The following SPTBN2 variants were observed in gnomAD, a reference collection of about 807,000 sequenced individuals.
The protein encoded by SPTBN2 is spectrin beta, non-erythrocytic 2.
SPTBN2 carries 107 observed loss-of-function variants against 284.2 expected under a neutral mutation model. The observed-to-expected ratio is 0.38, with a 90% CI of 0.32 to 0.44. SPTBN2 has a LOEUF of 0.44. Ranked by LOEUF, SPTBN2 falls within the 20% of genes least tolerant of loss-of-function variation. The pLI is 1.00. For missense variants in SPTBN2, 2,569 were observed against 3,287.1 expected, an observed-to-expected ratio of 0.78 and a Z score of 5.34; for synonymous variants, 1,289 against 1,354.8, an observed-to-expected ratio of 0.95 and a Z score of 1.07.
intron 20 of SPTBN2, 24 bp from the exon 21 acceptor site, chr11:66,696,564 C>CA (rs1940926608): frequency 6.2e-7 from 1 of 1,608,440 alleles, no homozygotes; most frequent in African/African-American, 1.3e-5. Context: ...CAGAAAATGT[C>CA]AAAGTGCCCA....
At position 66,682,790 on chromosome 11, in the gene SPTBN2, T is replaced by C. The variant is rs2135263786; in HGVS notation, c.*3081A>G. On this transcript the variant is annotated 3_prime_UTR_variant, in exon 38 of 38. Transcript: ENST00000533211. ...CTATTTTTTTTTTTTTGAGACAGGG[T>C]CTCACTTTATTGCCTAGACTGGAGT... Among the ~76,000 whole-genome samples the C allele has an allele frequency of 6.6e-6, 1 of 151,708 alleles. No individual in the cohort carries two copies. Among genetic ancestry groups the C allele is most frequent in the African/African-American group, 2.4e-5 (1 of 41,318 alleles).
In SPTBN2 at chr11:66,698,635, TCACCTTGTC is replaced by T; in HGVS notation, c.4009_4014+3del. ...CCAGAGGCAGCCCCCACAGCACTGC[TCACCTTGTC>T]CACCTTGTCCAGCCAGTCTTTGTTG... On this transcript the variant is annotated splice_donor_variant and splice_donor_region_variant and coding_sequence_variant and intron_variant, in exon 20 of 38. Transcript: ENST00000533211. LOFTEE classifies it high-confidence loss of function. The T allele has an allele frequency of 6.2e-7, 1 of 1,614,120 alleles. No homozygotes were observed. The highest frequency in any genetic ancestry group is 8.5e-7 in the Non-Finnish European group (1 of 1,180,020).
At chr11:66,688,136 C>T (rs377373813) in intron 32 of SPTBN2, 33 bp downstream of exon 32, 15 of 1,613,350 alleles carry the variant, frequency 9.3e-6, no homozygotes, top group Middle Eastern at 3.3e-4. Context: ...TGGGCTCAGC[C>T]GCCTCCTCCT....
rs747548764 is a variant in SPTBN2 at position 66,685,916 on chromosome 11, T to C, written c.7128A>G (p.Glu2376=). 6.2e-7 allele frequency: 1 copy of C among 1,613,976 alleles called. No homozygotes were observed. Among genetic ancestry groups the C allele is most frequent in the Admixed American group, 1.7e-5 (1 of 60,016 alleles). Residue 2376 remains glutamate, a synonymous_variant, in exon 38 of 38, where the codon GAA becomes GAG. Coordinates refer to ENST00000533211, the MANE Select transcript of SPTBN2 (RefSeq NM_006946.4). The surrounding 1 kb of genome is among the most constrained non-coding windows in gnomAD (Gnocchi z 4.4). ...AGCTGAAGCGTTTTTCTCGCTCTCG[T>C]TCTCTGCCGTCTTTGCTGCGGAGCA... ...PVVLRSKDGR[E]REREKRFSFF...
In SPTBN2 at chr11:66,696,150, A is replaced by T. The variant is rs200392961; in HGVS notation, c.4278+127T>A. The T allele has an allele frequency of 1.7e-4, 218 of 1,275,202 alleles. No individual in the cohort carries two copies. In the East Asian group the frequency reaches 5.4e-3, roughly 31 times the overall value. The allele number at this position is 1,275,202 out of a possible 1,614,324, so 79.0% of individuals were successfully genotyped here. A position where few individuals can be genotyped will look rare whatever the true frequency, so the allele number is the denominator to read the frequency against. On this transcript the variant is annotated intron_variant, in intron 21 of 37. Coordinates refer to ENST00000533211, the MANE Select transcript of SPTBN2 (RefSeq NM_006946.4). The stretch of plus-strand genomic sequence containing the variant: ...TAGAGATTCTGATACTGGCTGCCCA[A>T]AGAAATGACTCTGGGAAATGCTAGT...
At position 66,693,911 on chromosome 11, in the gene SPTBN2, G is replaced by C; in HGVS notation, c.4504-50C>G. ...GGAGGCCCAGAGGGCAAGGCAAGCA[G>C]CAGGGACTGATTAGTGGGAGTGGGG... On this transcript the variant is annotated intron_variant, in intron 22 of 37. Coordinates refer to ENST00000533211, the MANE Select transcript of SPTBN2 (RefSeq NM_006946.4). The surrounding 1 kb of genome is among the most constrained non-coding windows in gnomAD (Gnocchi z 5.7). 6.4e-7 allele frequency: 1 copy of C among 1,564,284 alleles called. No homozygotes were observed.
chr11:66,686,704 C>G, intron 36 of SPTBN2: 2 of 630,994 alleles, frequency 3.2e-6, no homozygotes, highest in South Asian at 1.9e-5. Flanking sequence ...CAGGCAGGGA[C>G]AGGCCCCTGG....
chr11:66,699,366 C>T, intron 18 of SPTBN2, 40 bp downstream of exon 18: 1 of 1,607,148 alleles, frequency 6.2e-7, no homozygotes. Flanking sequence ...TCTCCGATTC[C>T]CCCCTGGGAA....
Position 66,708,002 on chromosome 11 carries a change from G to T in SPTBN2, c.1350+139C>A. ...CTCCTGTCCCACCCTCTGGCCCCTG[G>T]CTCCCGGACCTCTAGGCCTTTTTAC... On this transcript the variant is annotated intron_variant, in intron 12 of 37. Transcript: ENST00000533211. The surrounding 1 kb of genome is among the most constrained non-coding windows in gnomAD (Gnocchi z 4.4). 1 of 1,463,788 alleles carries T rather than the reference G, an allele frequency of 6.8e-7. No homozygotes were observed. Among genetic ancestry groups the T allele is most frequent in the Non-Finnish European group, 9.4e-7 (1 of 1,061,738 alleles). The allele number at this position is 1,463,788 out of a possible 1,614,324, so 90.7% of individuals were successfully genotyped here.
chr11:66,733,285 G>T (rs1942826959), upstream of SPTBN2, among the ~76,000 whole-genome samples: 1 of 152,202 alleles, frequency 6.6e-6, no homozygotes, highest in South Asian at 2.1e-4. Flanking sequence ...AGATGTGTGA[G>T]AAACCAGTTA....
Position 66,690,139 on chromosome 11 carries a change from G to C in SPTBN2, c.5710C>G (p.Leu1904Val). Residue 1904 changes from leucine (L) to valine (V), a missense_variant, in exon 28 of 38, where the codon CTG (leucine) becomes GTG (valine). Transcript: ENST00000533211. ...AAGCGGAACTTGTCTGTGGTGTCCAGCAGCAGCTGCCGGCGGGCGGCAGAG... is the reference window on the plus strand; with the variant it reads ...AAGCGGAACTTGTCTGTGGTGTCCACCAGCAGCTGCCGGCGGGCGGCAGAG... ...GSSAARRQLL[L>V]DTTDKFRFFK... 6.2e-7 allele frequency: 1 copy of C among 1,614,244 alleles called. No homozygotes were observed. The highest frequency in any genetic ancestry group is 8.5e-7 in the Non-Finnish European group (1 of 1,180,048).
chr11:66,699,169 T>G, intron 18 of SPTBN2, 87 bp from the exon 19 acceptor site: 2 of 1,525,506 alleles, frequency 1.3e-6, no homozygotes, highest in Non-Finnish European at 1.8e-6. Flanking sequence ...CCATTTCTTC[T>G]AGGGGAATAA....
At chr11:66,727,677 C>G (rs922482637) in intron 1 of SPTBN2, among the ~76,000 whole-genome samples, 4 of 152,134 alleles carry the variant, frequency 2.6e-5, no homozygotes, top group Non-Finnish European at 4.4e-5. Context: ...TGTGGGGGAA[C>G]AGAAGGGAGC....
At chr11:66,686,208 T>G (rs1940098148) in intron 37 of SPTBN2, 104 bp from the exon 38 acceptor site, 2 of 1,402,646 alleles carry the variant, frequency 1.4e-6, no homozygotes, top group Non-Finnish European at 2.0e-6. Context: ...GTGAGCTGAC[T>G]GTTTCATGCT....
chr11:66,711,167 C>A, intron 8 of SPTBN2, 138 bp from the exon 9 acceptor site: 1 of 742,290 alleles, frequency 1.3e-6, no homozygotes, highest in South Asian at 1.5e-5. Flanking sequence ...TGACAACTTA[C>A]CCATTCAAAT....
intron 1 of SPTBN2, among the ~76,000 whole-genome samples, chr11:66,722,575 C>CAAAA (rs35183530): frequency 7.8e-5 from 4 of 51,018 alleles, no homozygotes; most frequent in Non-Finnish European, 1.0e-4. Context: ...GACTCTGTCT[C>CAAAA]AAAAAAAAAA....
At chr11:66,714,048 C>T (rs201407117) in intron 7 of SPTBN2, 43 bp downstream of exon 7, 91 of 1,602,336 alleles carry the variant, frequency 5.7e-5, no homozygotes, top group South Asian at 1.4e-4. Context: ...GGTCATTAGC[C>T]GACCCAGCAG....
intron 1 of SPTBN2, among the ~76,000 whole-genome samples, chr11:66,743,627 C>T (rs1426782946): frequency 6.6e-6 from 1 of 152,224 alleles, no homozygotes; most frequent in African/African-American, 2.4e-5. Context: ...TGGGACTCTG[C>T]AGGACCTCCT....
Position 66,685,979 on chromosome 11 carries a change from C to T in SPTBN2, c.7065G>A (p.Met2355Ile), listed in dbSNP as rs557734046. 1.5e-5 allele frequency: 24 copies of T among 1,613,924 alleles called. No homozygotes were observed. Among genetic ancestry groups the T allele is most frequent in the African/African-American group, 6.7e-5 (5 of 75,060 alleles). The change falls in exon 38 of 38, where the codon ATG (methionine) becomes ATA (isoleucine). Residue 2355 changes from methionine (M) to isoleucine (I), a missense_variant. Around this residue, in one of 6 missense-constraint regions of SPTBN2, gnomAD observed 1,130 missense variants for 1,317.3 expected, o/e 0.86. Transcript: ENST00000533211. This position sits in a 1 kb window ranked among gnomAD's most constrained non-coding sequence, Gnocchi z 4.4. ...TTRGMTRAMT[M>I]PPVSPVGAEG... ...CAGCCCCGACGGGTGACACTGGGGGCATGGTCATGGCCCGGGTCATGCCCC... is the reference window on the plus strand; with the variant it reads ...CAGCCCCGACGGGTGACACTGGGGGTATGGTCATGGCCCGGGTCATGCCCC...
Sources: allele counts gnomAD v4.1 joint callset (sites outside exome capture counted in the v4.1 genomes callset), GRCh38; gene constraint gnomAD v4.1.1; regional missense constraint gnomAD v4.1.1; non-coding constraint Gnocchi (gnomAD v3.1); transcripts MANE v1.5; gene names NCBI Gene and HGNC (gene_info 2026-07-23, HGNC 2026-07-21).